Variants in LCORL observed in about 807,000 individuals in gnomAD.
The protein encoded by LCORL is ligand dependent nuclear receptor corepressor like.
LCORL carries 41 observed loss-of-function variants against 141.8 expected under a neutral mutation model. The observed-to-expected ratio is 0.29, with a 90% CI of 0.23 to 0.38. The LOEUF (loss-of-function observed/expected upper bound fraction) is 0.38, where lower values mean the gene tolerates loss of function less well. Among genes scored for constraint, LCORL ranks in the 10% least tolerant of loss-of-function variants. LCORL has a pLI of 1.00. For missense variants in LCORL, 1,759 were observed against 2,035.0 expected, an observed-to-expected ratio of 0.86 and a Z score of 2.61; for synonymous variants, 618 against 694.1, an observed-to-expected ratio of 0.89 and a Z score of 1.72.
chr4:17,843,340 TGA>T (rs1453242717), exon 8 of LCORL: 1 of 1,611,892 alleles, frequency 6.2e-7, no homozygotes, highest in Admixed American at 1.7e-5. Context: ...GAAATGAAGA[TGA>T]GACTACCAAG....
intron 7 of LCORL, among the ~76,000 whole-genome samples, chr4:17,864,613 G>A (rs1425389654): frequency 6.6e-6 from 1 of 152,158 alleles, no homozygotes; most frequent in African/African-American, 2.4e-5. Context: ...AATAGTAGGT[G>A]GGACAAATAG....
At chr4:17,897,918 T>C (rs1340588198) in intron 5 of LCORL, among the ~76,000 whole-genome samples, 2 of 152,220 alleles carry the variant, frequency 1.3e-5, no homozygotes, top group Non-Finnish European at 1.5e-5. Context: ...TTAGGTTCAA[T>C]GCCACTGAGT....
intron 1 of LCORL, among the ~76,000 whole-genome samples, chr4:17,985,767 C>G (rs1302270316): frequency 6.6e-6 from 1 of 152,118 alleles, no homozygotes; most frequent in East Asian, 1.9e-4. Context: ...TAACATTCAA[C>G]ATTAGTATTG....
chr4:17,904,933 T>C (rs908049372), intron 5 of LCORL, among the ~76,000 whole-genome samples: 3 of 152,150 alleles, frequency 2.0e-5, no homozygotes, highest in Admixed American at 6.5e-5. Context: ...TGACACTGAA[T>C]CTGTAAGCAT....
intron 1 of LCORL, among the ~76,000 whole-genome samples, chr4:17,996,795 C>G (rs149559987): frequency 1.2e-4 from 19 of 152,090 alleles, no homozygotes; most frequent in Non-Finnish European, 2.1e-4. Context: ...TCACTAAAAC[C>G]TCTCTCTCAA....
At chr4:17,901,063 C>T (rs1487029606) in intron 5 of LCORL, among the ~76,000 whole-genome samples, 1 of 151,248 alleles carries the variant, frequency 6.6e-6, no homozygotes, top group Non-Finnish European at 1.5e-5. Flanking sequence ...ATGTATTGTT[C>T]TTTTTTTTAA....
chr4:17,976,727 A>T (rs893836932), intron 1 of LCORL, among the ~76,000 whole-genome samples: 3 of 152,186 alleles, frequency 2.0e-5, no homozygotes, highest in Non-Finnish European at 2.9e-5. Flanking sequence ...TTTTTAAAAA[A>T]TGTTGTTTTG....
At chr4:17,936,374 A>AAG (rs1283009351) in intron 4 of LCORL, among the ~76,000 whole-genome samples, 29 of 151,670 alleles carry the variant, frequency 1.9e-4, no homozygotes, top group African/African-American at 6.3e-4. Flanking sequence ...AAAAAAAAAA[A>AAG]AAAGAAACAA....
rs1424282071 is a variant in LCORL at position 18,021,318 on chromosome 4, G to T, written c.154+280C>A. On this transcript the variant is annotated intron_variant, in intron 1 of 7. Coordinates refer to ENST00000635767, the Ensembl canonical transcript of LCORL. This position sits in a 1 kb window ranked among gnomAD's most constrained non-coding sequence, Gnocchi z 5.5. Reference sequence around the variant, plus strand: ...CGCCGAGGAGTTTCGGGGAGAGAGCGAGCGGGCGGCTTCCGCGGGGGCTCA... The same window carrying T: ...CGCCGAGGAGTTTCGGGGAGAGAGCTAGCGGGCGGCTTCCGCGGGGGCTCA... Among the ~76,000 whole-genome samples, 3 of 152,116 alleles carry T rather than the reference G, an allele frequency of 2.0e-5. No homozygotes were observed. Among genetic ancestry groups the T allele is most frequent in the Non-Finnish European group, 4.4e-5 (3 of 67,990 alleles).
At chr4:17,869,785 C>T (rs1726115497) in intron 7 of LCORL, among the ~76,000 whole-genome samples, 1 of 152,126 alleles carries the variant, frequency 6.6e-6, no homozygotes, top group Non-Finnish European at 1.5e-5. Flanking sequence ...TGCTTCCTAA[C>T]ATCCTTTCTT....
Position 17,915,713 on chromosome 4 carries a change from A to C in LCORL, c.431-6368T>G, listed in dbSNP as rs143399417. Among the ~76,000 whole-genome samples, 397 of 152,358 alleles carry C rather than the reference A, an allele frequency of 2.6e-3. 3 individuals carry two copies. Among genetic ancestry groups the C allele is most frequent in the African/African-American group, 8.9e-3 (370 of 41,584 alleles). On this transcript the variant is annotated intron_variant, in intron 4 of 7. Coordinates refer to ENST00000635767, the Ensembl canonical transcript of LCORL. ...ACACTATTATCTTCAGTAACTTAGG[A>C]AGTAGAAAATGTGTCCAATGAATTG...
chr4:17,917,538 T>G (rs1733645129), intron 4 of LCORL, among the ~76,000 whole-genome samples: 1 of 152,264 alleles, frequency 6.6e-6, no homozygotes, highest in Non-Finnish European at 1.5e-5. Context: ...TGCAGACTGT[T>G]AAACAAAGAG....
At chr4:17,883,925 G>T (rs369527567) in intron 6 of LCORL, 3 of 1,550,618 alleles carry the variant, frequency 1.9e-6, no homozygotes, top group African/African-American at 1.4e-5. Context: ...CATTACCATT[G>T]CAATAGCTTC....
At position 17,878,136 on chromosome 4, in the gene LCORL, G is replaced by A. The variant is rs561114243; in HGVS notation, c.854C>T (p.Ser285Phe). 1.8e-5 allele frequency: 22 copies of A among 1,230,328 alleles called. No individual in the cohort carries two copies. The African/African-American group carries it at 3.1e-4, about 17-fold the overall frequency. The allele number at this position is 1,230,328 out of a possible 1,614,324, so 76.2% of individuals were successfully genotyped here. A position where few individuals can be genotyped will look rare whatever the true frequency, so the allele number is the denominator to read the frequency against. The change falls in exon 7 of 8, where the codon TCT (serine) becomes TTT (phenylalanine). Residue 285 changes from serine (S) to phenylalanine (F), a missense_variant. By Grantham distance (155) the Ser-to-Phe change is radical. Coordinates refer to ENST00000635767, the Ensembl canonical transcript of LCORL. ...TTGTTGCTGGTGATGTATGCACAAA[G>A]ATTCCAAAACTTTGTTTAATGCTGA...
intron 4 of LCORL, chr4:17,960,185 T>C (rs1713495384): frequency 6.5e-6 from 1 of 154,294 alleles, no homozygotes; most frequent in African/African-American, 2.4e-5. Flanking sequence ...GAATCTTTAA[T>C]TTAAAAACTC....
intron 5 of LCORL, among the ~76,000 whole-genome samples, chr4:17,887,647 G>C (rs1728473366): frequency 6.6e-6 from 1 of 152,182 alleles, no homozygotes; most frequent in South Asian, 2.1e-4. Context: ...AGGTTAAACA[G>C]GGCCATTGGG....
At chr4:17,999,692 C>T (rs1438671994) in intron 1 of LCORL, among the ~76,000 whole-genome samples, 2 of 152,128 alleles carry the variant, frequency 1.3e-5, no homozygotes, top group Admixed American at 6.5e-5. Context: ...TTTAACTTAA[C>T]CTAAATTCAG....
chr4:18,012,753 T>C (rs904798636), intron 1 of LCORL, among the ~76,000 whole-genome samples: 3 of 152,196 alleles, frequency 2.0e-5, no homozygotes, highest in Non-Finnish European at 4.4e-5. Flanking sequence ...CTAATATATT[T>C]GCCTCAGTAT....
exon 8 of LCORL, chr4:17,842,384 G>C (rs1479436246): frequency 6.2e-7 from 1 of 1,610,190 alleles, no homozygotes; most frequent in Non-Finnish European, 8.5e-7. Flanking sequence ...TGAAAGGTAT[G>C]TCATGCATGT....
Sources: gnomAD v4.1 joint callset for allele counts (sites outside exome capture counted in the v4.1 genomes callset) on GRCh38, gnomAD v4.1.1 for gene constraint, Gnocchi (gnomAD v3.1) non-coding constraint, MANE v1.5 for transcripts, NCBI Gene and HGNC (gene_info 2026-07-23, HGNC 2026-07-21) for gene names.